The following TENM3 variants were observed in gnomAD, a reference collection of about 807,000 sequenced individuals.
TENM3 encodes the protein teneurin-3.
A neutral mutation model predicts 255.1 loss-of-function variants in TENM3; 63 were observed. The observed-to-expected ratio is 0.25, with a 90% confidence interval of 0.20 to 0.30. TENM3 has a LOEUF of 0.30. TENM3 is among the 10% of genes least tolerant of loss of function. The pLI, the probability that TENM3 is intolerant of heterozygous loss-of-function variation, is 1.00. For missense variants in TENM3, 2,929 were observed against 3,461.1 expected (o/e 0.85, Z 3.86); for synonymous variants, 1,306 against 1,322.3 (o/e 0.99, Z 0.27).
chr4:182,700,798 C>G (rs1279053042), intron 12 of TENM3, among the ~76,000 whole-genome samples: 5 of 152,084 alleles, frequency 3.3e-5, no homozygotes, highest in African/African-American at 1.2e-4. Context: ...TAATGTCTTC[C>G]TTTAACAACA....
At chr4:181,633,384 G>A in the TENM3 span, among the ~76,000 whole-genome samples, 1 of 152,062 alleles carries the variant, frequency 6.6e-6, no homozygotes, top group South Asian at 2.1e-4. Flanking sequence ...GTATACAAGA[G>A]GACTTGTATA....
chr4:181,631,053 G>A, the TENM3 span, among the ~76,000 whole-genome samples: 1 of 152,132 alleles, frequency 6.6e-6, no homozygotes, highest in Non-Finnish European at 1.5e-5. Context: ...CAAAGAGTTA[G>A]CCAGCTGTGT....
At chr4:182,753,387 T>G in intron 20 of TENM3, 63 bp from the exon 21 acceptor site, 1 of 1,409,638 alleles carries the variant, frequency 7.1e-7, no homozygotes, top group Non-Finnish European at 9.9e-7. Context: ...ATAATGGGCC[T>G]AATAGTTAAT....
intron 6 of TENM3, among the ~76,000 whole-genome samples, chr4:182,670,751 T>A (rs1002909388): frequency 6.6e-6 from 1 of 152,168 alleles, no homozygotes; most frequent in African/African-American, 2.4e-5. Flanking sequence ...GGCCATAAAC[T>A]GGGTCTGTGA....
chr4:181,495,600 A>T, the TENM3 span, among the ~76,000 whole-genome samples: 1 of 152,080 alleles, frequency 6.6e-6, no homozygotes, highest in Non-Finnish European at 1.5e-5. Flanking sequence ...TTTAAAAGAC[A>T]TTGAAATATC....
the TENM3 span, among the ~76,000 whole-genome samples, chr4:181,773,832 A>G: frequency 1.3e-5 from 2 of 152,130 alleles, no homozygotes; most frequent in Non-Finnish European, 2.9e-5. Flanking sequence ...ATAATGTCCA[A>G]TTTTAAGGGG....
intron 3 of TENM3, among the ~76,000 whole-genome samples, chr4:182,465,315 G>A (rs552314547): frequency 2.0e-5 from 3 of 152,214 alleles, no homozygotes; most frequent in Admixed American, 2.0e-4. Context: ...ACCTTGGGAG[G>A]TGATTAGGTC....
In TENM3 at chr4:182,621,175, C is replaced by T. The variant is rs536812251; in HGVS notation, c.750-7476C>T. On this transcript the variant is annotated intron_variant, in intron 4 of 27. Transcript: ENST00000511685. ...CAGCCTGGACAACAGAGCGAGACTC[C>T]GTCTAAAAAAAAAAAGATTTAGTAG... Among the ~76,000 whole-genome samples the T allele has an allele frequency of 2.0e-4, 26 of 130,740 alleles. No individual in the cohort carries two copies. The South Asian group carries it at 4.5e-3, about 23-fold the overall frequency. The allele number at this position is 130,740 out of a possible 152,430, so 85.8% of individuals were successfully genotyped here.
At chr4:181,626,214 C>A in the TENM3 span, among the ~76,000 whole-genome samples, 1 of 152,042 alleles carries the variant, frequency 6.6e-6, no homozygotes, top group Non-Finnish European at 1.5e-5. Context: ...GGACACTGTG[C>A]ATGAAGGCCC....
chr4:182,125,450 C>T, the TENM3 span, among the ~76,000 whole-genome samples: 1 of 152,184 alleles, frequency 6.6e-6, no homozygotes, highest in Non-Finnish European at 1.5e-5. Flanking sequence ...CAGGCATCTA[C>T]TGGGGTCTTA....
chr4:181,709,028 A>G, the TENM3 span, among the ~76,000 whole-genome samples: 7,311 of 152,368 alleles, frequency 0.048, 249 homozygotes, highest in Middle Eastern at 0.15. Flanking sequence ...AGCAGAATTT[A>G]TAAAAACCAC....
chr4:182,755,772 G>A (rs1257756726), intron 22 of TENM3, among the ~76,000 whole-genome samples: 4 of 151,730 alleles, frequency 2.6e-5, no homozygotes, highest in East Asian at 2.0e-4. Context: ...CCCGGGAGGC[G>A]CAGCTTGCAG....
At chr4:181,678,242 G>A in the TENM3 span, among the ~76,000 whole-genome samples, 3 of 152,156 alleles carry the variant, frequency 2.0e-5, no homozygotes, top group South Asian at 6.2e-4. Flanking sequence ...CTTTTTTGAA[G>A]AAAACAGAGT....
upstream of TENM3, chr4:182,143,149 G>A (rs982259106): frequency 1.2e-5 from 2 of 167,266 alleles, no homozygotes; most frequent in African/African-American, 4.8e-5. This position sits in a 1 kb window ranked among gnomAD's most constrained non-coding sequence, Gnocchi z 4.3. Context: ...TCTGAGGGGA[G>A]AATGGAGAGG....
the TENM3 span, among the ~76,000 whole-genome samples, chr4:181,785,872 AAT>A: frequency 1.3e-5 from 2 of 152,012 alleles, no homozygotes; most frequent in Non-Finnish European, 2.9e-5. Context: ...AGTAAAGCGG[AAT>A]AGTCTCACAG....
intron 3 of TENM3, among the ~76,000 whole-genome samples, chr4:182,454,767 A>G (rs568902551): frequency 7.2e-5 from 11 of 152,322 alleles, no homozygotes; most frequent in African/African-American, 2.6e-4. Flanking sequence ...ATAAAATGGC[A>G]TTCTTGCTTA....
Position 182,755,276 on chromosome 4 carries a change from T to G in TENM3, c.4892+17T>G. On this transcript the variant is annotated intron_variant, in intron 22 of 27. Coordinates refer to ENST00000511685, the MANE Select transcript of TENM3 (RefSeq NM_001080477.4). ...GTTTTTTGAGTAAGTATATGAAAATTCTACTCTGATTATAAAATACTGTGA... is the reference window on the plus strand; with the variant it reads ...GTTTTTTGAGTAAGTATATGAAAATGCTACTCTGATTATAAAATACTGTGA... 1 of 1,552,632 alleles carries G rather than the reference T, an allele frequency of 6.4e-7. No homozygotes were observed. Among genetic ancestry groups the G allele is most frequent in the Non-Finnish European group, 8.7e-7 (1 of 1,154,530 alleles).
chr4:181,716,229 A>G, the TENM3 span, among the ~76,000 whole-genome samples: 1 of 152,232 alleles, frequency 6.6e-6, no homozygotes, highest in African/African-American at 2.4e-5. Context: ...TAGTAATCAC[A>G]TTAAAGAAGT....
At chr4:182,171,918 T>A (rs1346264543) in intron 1 of TENM3, among the ~76,000 whole-genome samples, 1 of 137,458 alleles carries the variant, frequency 7.3e-6, no homozygotes, top group Non-Finnish European at 1.7e-5. Flanking sequence ...TATCTTTGAT[T>A]TTTTTTTTCT....
Sources: allele counts gnomAD v4.1 joint callset (sites outside exome capture counted in the v4.1 genomes callset), GRCh38; gene constraint gnomAD v4.1.1; non-coding constraint Gnocchi (gnomAD v3.1); transcripts MANE v1.5; gene names NCBI Gene and HGNC (gene_info 2026-07-23, HGNC 2026-07-21).